BIRC6: variants seen among roughly 807,000 people sequenced by gnomAD.
BIRC6 encodes the protein baculoviral IAP repeat containing 6, also known as dual E2 ubiquitin-conjugating enzyme/E3 ubiquitin-protein ligase BIRC6.
A neutral mutation model predicts 503.3 loss-of-function variants in BIRC6; 98 were observed. The observed-to-expected ratio is 0.19, with a 90% CI of 0.17 to 0.23. The LOEUF (loss-of-function observed/expected upper bound fraction) is 0.23, where lower values mean the gene tolerates loss of function less well. Ranked by LOEUF, BIRC6 falls within the 10% of genes least tolerant of loss-of-function variation. The pLI, the probability that BIRC6 is intolerant of heterozygous loss-of-function variation, is 1.00. For missense variants in BIRC6, 5,360 were observed against 5,806.0 expected (o/e 0.92, Z 2.50); for synonymous variants, 2,240 against 2,078.7 (o/e 1.08, Z -2.11).
At chr2:32,430,743 A>G (rs2044001037) in intron 11 of BIRC6, 122 bp from the exon 12 acceptor site, 1 of 691,032 alleles carries the variant, frequency 1.4e-6, no homozygotes, top group Admixed American at 2.9e-5. Context: ...AACTTTCAGA[A>G]TATTTGGCAA....
chr2:32,367,649 C>G (rs2035155556), intron 1 of BIRC6, among the ~76,000 whole-genome samples: 1 of 151,830 alleles, frequency 6.6e-6, no homozygotes, highest in Non-Finnish European at 1.5e-5. Context: ...AACCCCGTCT[C>G]TACTAAAAAT....
At chr2:32,481,239 C>A (rs1404804164) in intron 37 of BIRC6, 81 bp from the exon 38 acceptor site, 6 of 1,255,794 alleles carry the variant, frequency 4.8e-6, no homozygotes, top group Non-Finnish European at 5.3e-6. Flanking sequence ...AGTAAAATAA[C>A]TTTTTTTAAC....
chr2:32,434,483 A>G (rs1050661843), intron 13 of BIRC6, among the ~76,000 whole-genome samples: 2 of 152,148 alleles, frequency 1.3e-5, no homozygotes, highest in African/African-American at 2.4e-5. Context: ...GAAACAACCA[A>G]TCGTGGATTG....
chr2:32,408,060 C>A (rs551762958), intron 9 of BIRC6, among the ~76,000 whole-genome samples: 1 of 152,066 alleles, frequency 6.6e-6, no homozygotes, highest in Non-Finnish European at 1.5e-5. Flanking sequence ...ATCCGCCTCC[C>A]GAGTTCAAGG....
At chr2:32,400,627 G>T (rs376142712) in intron 6 of BIRC6, among the ~76,000 whole-genome samples, 3 of 151,974 alleles carry the variant, frequency 2.0e-5, no homozygotes, top group African/African-American at 7.3e-5. Flanking sequence ...ATGAGCCACC[G>T]CACCCGGCTG....
rs1345240215 is a variant in BIRC6, at chr2:32,465,122, C to T, written c.5314C>T (p.Pro1772Ser). Residue 1772 changes from proline to serine, a missense_variant, in exon 26 of 74, where the codon CCT (proline) becomes TCT (serine). Physicochemically the swap from Pro to Ser is moderately conservative, Grantham distance 74. Around this residue, in one of 16 missense-constraint regions of BIRC6, gnomAD observed 2,299 missense variants for 2,267.2 expected, o/e 1.01. Coordinates refer to ENST00000421745, the MANE Select transcript of BIRC6 (RefSeq NM_016252.4). ...TTCTCATGCTTCACATTTTCTTCAA[C>T]CTCCGCCTCACCAGTCCATTATTAT... The part of the protein sequence containing the change: ...AISHASHFLQ[P>S]PPHQSIIIER... 1.2e-6 allele frequency: 2 copies of T among 1,605,972 alleles called. No homozygotes were observed. The highest frequency in any genetic ancestry group is 2.2e-5 in the South Asian group (2 of 90,184).
intron 36 of BIRC6, among the ~76,000 whole-genome samples, 187 bp from the exon 37 acceptor site, chr2:32,479,275 G>A (rs1248521736): frequency 6.6e-6 from 1 of 152,274 alleles, no homozygotes; most frequent in South Asian, 2.1e-4. Context: ...CTTGTCTCTA[G>A]CATTTGAAAG....
chr2:32,511,726 CAGAG>C (rs936865053), intron 53 of BIRC6, among the ~76,000 whole-genome samples: 3 of 151,796 alleles, frequency 2.0e-5, no homozygotes, highest in Non-Finnish European at 4.4e-5. Flanking sequence ...ATTAGAAAAA[CAGAG>C]AGATTTCTTC....
At chr2:32,563,174 A>G (rs551700647) in intron 65 of BIRC6, among the ~76,000 whole-genome samples, 71 of 152,306 alleles carry the variant, frequency 4.7e-4, no homozygotes, top group African/African-American at 1.6e-3. Context: ...TTTGTATGTT[A>G]CATGAAGAGG....
At chr2:32,508,690 C>G (rs541736720) in intron 51 of BIRC6, among the ~76,000 whole-genome samples, 104 of 152,210 alleles carry the variant, frequency 6.8e-4, no homozygotes, top group African/African-American at 2.4e-3. Flanking sequence ...CTGAACCAAA[C>G]TAACAAGGAC....
chr2:32,603,923 A>G (rs2062245733), intron 71 of BIRC6, among the ~76,000 whole-genome samples: 1 of 151,628 alleles, frequency 6.6e-6, no homozygotes, highest in Non-Finnish European at 1.5e-5. Context: ...GTTAATTACC[A>G]ATTGATTTTT....
At chr2:32,579,332 A>T (rs2060506172) in intron 66 of BIRC6, among the ~76,000 whole-genome samples, 1 of 152,064 alleles carries the variant, frequency 6.6e-6, no homozygotes, top group Admixed American at 6.6e-5. Flanking sequence ...TTTTGATCTG[A>T]TAATTCAGAG....
intron 60 of BIRC6, among the ~76,000 whole-genome samples, chr2:32,530,832 A>G (rs2150014102): frequency 6.6e-6 from 1 of 152,284 alleles, no homozygotes; most frequent in African/African-American, 2.4e-5. Context: ...GGGTCTGGTT[A>G]CGTGACCTTT....
At chr2:32,530,153 C>G (rs1323166835) in intron 60 of BIRC6, among the ~76,000 whole-genome samples, 1 of 152,176 alleles carries the variant, frequency 6.6e-6, no homozygotes, top group Non-Finnish European at 1.5e-5. Flanking sequence ...GCATTTCTTG[C>G]ATATAAACAT....
At position 32,593,805 on chromosome 2, in the gene BIRC6, G is replaced by A. The variant is rs992047273; in HGVS notation, c.13356-110G>A. On this transcript the variant is annotated intron_variant, in intron 66 of 73. Transcript: ENST00000421745. ...TCAAAAGCAAGTTAATATAGATCATGTGTGTGACAAATGAAATGCACACAC... is the reference window on the plus strand; with the variant it reads ...TCAAAAGCAAGTTAATATAGATCATATGTGTGACAAATGAAATGCACACAC... The A allele has an allele frequency of 2.0e-5, 19 of 951,980 alleles. No individual in the cohort carries two copies. In the Admixed American group the frequency reaches 2.5e-4, roughly 12 times the overall value. 59.0% of individuals were successfully genotyped at this position (951,980 alleles called of 1,614,324 possible). A position where few individuals can be genotyped will look rare whatever the true frequency, so the allele number is the denominator to read the frequency against.
chr2:32,603,738 A>G (rs1303064000), intron 71 of BIRC6, among the ~76,000 whole-genome samples: 1 of 152,070 alleles, frequency 6.6e-6, no homozygotes, highest in Middle Eastern at 3.2e-3. Context: ...ATAAAAATCA[A>G]TAAATAAAAA....
intron 4 of BIRC6, among the ~76,000 whole-genome samples, chr2:32,391,729 T>G (rs2039258994): frequency 6.6e-6 from 1 of 152,238 alleles, no homozygotes; most frequent in South Asian, 2.1e-4. Flanking sequence ...TTTAAAAAAT[T>G]ACTCTGGTAC....
At chr2:32,611,108 C>CTTTTTTTTTTTTTTTTT (rs1245765148) in intron 72 of BIRC6, among the ~76,000 whole-genome samples, 12 of 126,156 alleles carry the variant, frequency 9.5e-5, no homozygotes, top group Admixed American at 7.5e-4. Flanking sequence ...ATTAAATTGC[C>CTTTTTTTTTTTTTTTTT]TTTTTTTTTT....
At chr2:32,371,443 C>T (rs1310205020) in intron 1 of BIRC6, among the ~76,000 whole-genome samples, 1 of 151,816 alleles carries the variant, frequency 6.6e-6, no homozygotes, top group Non-Finnish European at 1.5e-5. Context: ...GGTGCAATCT[C>T]AGCTCACTGC....
Sources: gnomAD v4.1 joint callset for allele counts (sites outside exome capture counted in the v4.1 genomes callset) on GRCh38, gnomAD v4.1.1 for gene constraint, gnomAD v4.1.1 regional missense constraint, MANE v1.5 for transcripts, NCBI Gene and HGNC (gene_info 2026-07-23, HGNC 2026-07-21) for gene names.